SYT16: variants seen among roughly 807,000 people sequenced by gnomAD.
The protein encoded by SYT16 is synaptotagmin-16.
Under a neutral mutation model 61.4 loss-of-function variants are expected in SYT16, and 42 were observed. That is an observed-to-expected ratio of 0.68 (90% confidence interval 0.53 to 0.89). SYT16 has a LOEUF of 0.89. SYT16 is among the 40% of genes least tolerant of loss of function. SYT16 has a pLI of 0.00. For synonymous variants in SYT16, 314 were observed against 302.3 expected (o/e 1.04, Z -0.40); for missense variants, 804 against 807.3 (o/e 1.00, Z 0.05).
intron 3 of SYT16, among the ~76,000 whole-genome samples, chr14:62,030,819 A>G (rs979355877): frequency 1.3e-5 from 2 of 152,216 alleles, no homozygotes; most frequent in African/African-American, 4.8e-5. Context: ...TGAAAGCTGC[A>G]AAGAAAGGAA....
rs1008061330 is a variant in SYT16 at position 62,107,779 on chromosome 14, T to G, written c.*7072T>G. On this transcript the variant is annotated 3_prime_UTR_variant, in exon 8 of 8. Transcript: ENST00000683842. ...TCAAAATAAATGGATATGTTTTGTATCTGGGGGAGGAAATGCATCATTCCA... is the reference window on the plus strand; with the variant it reads ...TCAAAATAAATGGATATGTTTTGTAGCTGGGGGAGGAAATGCATCATTCCA... The G allele has an allele frequency of 2.0e-5, 3 of 152,198 alleles. No individual in the cohort carries two copies. The highest frequency in any genetic ancestry group is 7.2e-5 in the African/African-American group (3 of 41,452). The allele number at this position is 152,198 out of a possible 1,614,324, so 9.4% of individuals were successfully genotyped here.
chr14:61,840,111 G>A (rs968270576), intron 1 of SYT16, among the ~76,000 whole-genome samples: 4 of 152,116 alleles, frequency 2.6e-5, no homozygotes, highest in Non-Finnish European at 5.9e-5. Flanking sequence ...GAATAAGGGA[G>A]AAAATAAAAG....
chr14:61,849,723 G>C (rs2046554128), intron 1 of SYT16, among the ~76,000 whole-genome samples: 1 of 152,194 alleles, frequency 6.6e-6, no homozygotes, highest in African/African-American at 2.4e-5. Flanking sequence ...GTTCAAGACT[G>C]TCTTTCCTAC....
At chr14:61,923,011 T>C (rs371526856) in intron 1 of SYT16, among the ~76,000 whole-genome samples, 1 of 148,172 alleles carries the variant, frequency 6.7e-6, no homozygotes, top group African/African-American at 2.5e-5. Context: ...ATCACGCCAT[T>C]GCACTCCAGC....
At chr14:61,902,213 C>G (rs946569974) in intron 1 of SYT16, among the ~76,000 whole-genome samples, 3 of 152,278 alleles carry the variant, frequency 2.0e-5, no homozygotes, top group African/African-American at 7.2e-5. Flanking sequence ...AGGAAATTGC[C>G]TAGAGCATAT....
chr14:61,845,551 C>T (rs887547635), intron 1 of SYT16, among the ~76,000 whole-genome samples: 6 of 152,120 alleles, frequency 3.9e-5, no homozygotes, highest in African/African-American at 4.8e-5. Flanking sequence ...GTCTTCTTTT[C>T]GTGTCTGATT....
chr14:62,078,640 T>C (rs2056599492), intron 5 of SYT16, among the ~76,000 whole-genome samples: 1 of 152,206 alleles, frequency 6.6e-6, no homozygotes, highest in Non-Finnish European at 1.5e-5. Flanking sequence ...CACAGTTGAA[T>C]TGGCCACCAC....
chr14:61,896,096 TGGTG>T (rs1454467293), intron 1 of SYT16, among the ~76,000 whole-genome samples: 2 of 151,950 alleles, frequency 1.3e-5, no homozygotes, highest in African/African-American at 4.8e-5. Context: ...TTTTGGAACT[TGGTG>T]GGCGTGGGGG....
At position 61,910,115 on chromosome 14, in the gene SYT16, C is replaced by T. The variant is rs929001174; in HGVS notation, c.-324-60017C>T. ...ATTATGGTAGCTATTTCTACTCTTA[C>T]TTGCTATCATTGCTATCATTCATAT... On this transcript the variant is annotated intron_variant, in intron 1 of 7. Coordinates refer to ENST00000683842, the MANE Select transcript of SYT16 (RefSeq NM_001367656.1). 2.6e-5 allele frequency among the ~76,000 whole-genome samples: 4 copies of T among 152,208 alleles called. No homozygotes were observed. In the South Asian group the frequency reaches 8.3e-4, roughly 31 times the overall value.
chr14:62,017,349 T>C (rs147906086), intron 3 of SYT16, among the ~76,000 whole-genome samples: 318 of 152,296 alleles, frequency 2.1e-3, no homozygotes, highest in African/African-American at 7.3e-3. Flanking sequence ...CTTCCTGATA[T>C]CATCACATCC....
chr14:62,087,224 G>A (rs2056915838), intron 7 of SYT16, among the ~76,000 whole-genome samples: 1 of 152,210 alleles, frequency 6.6e-6, no homozygotes, highest in Non-Finnish European at 1.5e-5. Context: ...GAGTTGGAAG[G>A]AAGAGGGGGA....
At chr14:62,035,904 T>TA (rs1239492736) in intron 3 of SYT16, among the ~76,000 whole-genome samples, 1 of 152,194 alleles carries the variant, frequency 6.6e-6, no homozygotes, top group African/African-American at 2.4e-5. Flanking sequence ...AGGATGGGGC[T>TA]AATTAATTAC....
At chr14:62,037,479 A>G (rs540709220) in intron 3 of SYT16, among the ~76,000 whole-genome samples, 74 of 152,308 alleles carry the variant, frequency 4.9e-4, no homozygotes, top group African/African-American at 1.6e-3. Flanking sequence ...TTCTTAATGC[A>G]GGTGCACAAA....
intron 7 of SYT16, among the ~76,000 whole-genome samples, chr14:62,094,922 A>T (rs1196826924): frequency 6.6e-6 from 1 of 151,818 alleles, no homozygotes; most frequent in African/African-American, 2.4e-5. Flanking sequence ...ATGGGCAAAA[A>T]TTTTCCATTG....
At chr14:62,003,482 G>A (rs2053103455) in intron 3 of SYT16, among the ~76,000 whole-genome samples, 1 of 151,822 alleles carries the variant, frequency 6.6e-6, no homozygotes, top group African/African-American at 2.4e-5. Flanking sequence ...AAGTGCTTGT[G>A]TTCTTTCTCT....
At chr14:61,893,024 C>T (rs1279522323) in intron 1 of SYT16, among the ~76,000 whole-genome samples, 1 of 151,976 alleles carries the variant, frequency 6.6e-6, no homozygotes, top group East Asian at 1.9e-4. Context: ...ACTTCCAGGG[C>T]ATCAATAGGA....
At chr14:61,909,748 G>A (rs772953890) in intron 1 of SYT16, among the ~76,000 whole-genome samples, 5 of 152,182 alleles carry the variant, frequency 3.3e-5, no homozygotes, top group Non-Finnish European at 7.3e-5. Flanking sequence ...GAAGCAAATT[G>A]TATGTAATAT....
intron 3 of SYT16, among the ~76,000 whole-genome samples, chr14:62,049,322 T>G (rs951843582): frequency 1.3e-5 from 2 of 152,192 alleles, no homozygotes; most frequent in African/African-American, 4.8e-5. Context: ...TGTTTTCCAT[T>G]TGCTTGGTAG....
At chr14:61,911,325 TGG>T (rs2048926113) in intron 1 of SYT16, among the ~76,000 whole-genome samples, 1 of 152,010 alleles carries the variant, frequency 6.6e-6, no homozygotes. Context: ...CTTTAATGTT[TGG>T]CCCTGATTTA....
Sources: gnomAD v4.1 joint callset for allele counts (sites outside exome capture counted in the v4.1 genomes callset) on GRCh38, gnomAD v4.1.1 for gene constraint, MANE v1.5 for transcripts, NCBI Gene and HGNC (gene_info 2026-07-23, HGNC 2026-07-21) for gene names.